The following PCDHA8 variants were observed in gnomAD, a reference collection of about 807,000 sequenced individuals.
PCDHA8 encodes the protein protocadherin alpha 8, also known as protocadherin alpha-8.
A neutral mutation model predicts 61.8 loss-of-function variants in PCDHA8; 53 were observed. The observed-to-expected ratio is 0.86, with a 90% CI of 0.69 to 1.08. The LOEUF (loss-of-function observed/expected upper bound fraction) is 1.08. PCDHA8 is among the 50% of genes least tolerant of loss of function. The probability of loss-of-function intolerance (pLI) is 0.00; values close to 1 mark genes in which losing one functional copy is unlikely to be tolerated. For synonymous variants in PCDHA8, 618 were observed against 556.6 expected (o/e 1.11, Z -1.55); for missense variants, 1,293 against 1,245.0 (o/e 1.04, Z -0.58).
At chr5:140,970,920 G>A (rs957123423) in intron 1 of PCDHA8, among the ~76,000 whole-genome samples, 2 of 152,266 alleles carry the variant, frequency 1.3e-5, no homozygotes, top group Non-Finnish European at 2.9e-5. Flanking sequence ...TTTATCAGAA[G>A]TGCCTGGTGT....
intron 1 of PCDHA8, among the ~76,000 whole-genome samples, chr5:140,900,275 C>T (rs1260418745): frequency 9.2e-5 from 14 of 151,438 alleles, no homozygotes; most frequent in African/African-American, 2.9e-4. Context: ...GTATATGTAC[C>T]ACACTTTCTT....
At chr5:140,987,211 C>A (rs1190567678) in intron 3 of PCDHA8, among the ~76,000 whole-genome samples, 1 of 145,070 alleles carries the variant, frequency 6.9e-6, no homozygotes, top group South Asian at 2.1e-4. Flanking sequence ...GAGACTCCAT[C>A]TCAAAAAAAA....
intron 1 of PCDHA8, among the ~76,000 whole-genome samples, chr5:140,889,031 A>C (rs1234867332): frequency 6.6e-6 from 1 of 152,012 alleles, no homozygotes; most frequent in African/African-American, 2.4e-5. Flanking sequence ...GGATAACCGT[A>C]ATTTGATTAT....
Position 140,842,784 on chromosome 5 carries a change from C to A in PCDHA8, c.1463C>A (p.Ala488Glu), listed in dbSNP as rs1285950480. The A allele has an allele frequency of 2.5e-6, 4 of 1,594,370 alleles. No homozygotes were observed. The highest frequency in any genetic ancestry group is 3.4e-6 in the Non-Finnish European group (4 of 1,165,434). Residue 488 changes from alanine to glutamate, a missense_variant, in exon 1 of 4, where the codon GCG (alanine) becomes GAG (glutamate). By Grantham distance (107) the Ala-to-Glu change is moderately radical. Transcript: ENST00000531613. ...CGAGACGCGGACGCGCAGGAGAACGCGCTGGTGTCCTACTCGCTTGTGGAG... is the reference window on the plus strand; with the variant it reads ...CGAGACGCGGACGCGCAGGAGAACGAGCTGGTGTCCTACTCGCTTGTGGAG... ...SARDADAQENALVSYSLVERR... is the reference protein window; with the variant it reads ...SARDADAQENELVSYSLVERR...
At chr5:140,883,316 G>A in intron 1 of PCDHA8, 1 of 1,614,078 alleles carries the variant, frequency 6.2e-7, no homozygotes, top group East Asian at 2.2e-5. Context: ...CGCCCCAGAG[G>A]TTACCATCAC....
At chr5:140,899,980 T>TG (rs1202261789) in intron 1 of PCDHA8, among the ~76,000 whole-genome samples, 49 of 152,074 alleles carry the variant, frequency 3.2e-4, no homozygotes, top group African/African-American at 1.1e-3. Flanking sequence ...GCTACTTTTT[T>TG]GATTTTTTTT....
At chr5:140,867,409 T>C (rs1299874634) in intron 1 of PCDHA8, 1 of 152,170 alleles carries the variant, frequency 6.6e-6, no homozygotes, top group Admixed American at 6.5e-5. Context: ...ATGTCTCCTT[T>C]AATTTTTTAA....
chr5:140,971,203 T>A (rs1586466173), intron 1 of PCDHA8, among the ~76,000 whole-genome samples: 2 of 152,308 alleles, frequency 1.3e-5, no homozygotes, highest in Middle Eastern at 6.8e-3. Context: ...GGAAAGACAC[T>A]GTTACCCTCC....
intron 3 of PCDHA8, among the ~76,000 whole-genome samples, chr5:140,999,140 G>A (rs1473682487): frequency 6.6e-6 from 1 of 152,164 alleles, no homozygotes; most frequent in African/African-American, 2.4e-5. Context: ...TGTCACAGCC[G>A]GAAGTCTTCA....
chr5:140,896,283 T>TG (rs1440417603), intron 1 of PCDHA8, among the ~76,000 whole-genome samples: 4 of 152,258 alleles, frequency 2.6e-5, no homozygotes, highest in Admixed American at 6.5e-5. Context: ...CTGGCTTGAA[T>TG]GGTAAGTTCT....
chr5:140,855,049 C>G (rs188702829), intron 1 of PCDHA8, among the ~76,000 whole-genome samples: 3 of 149,820 alleles, frequency 2.0e-5, no homozygotes, highest in South Asian at 2.1e-4. Context: ...TGTAATAGTA[C>G]TTTTCTGTTT....
At chr5:140,904,193 T>C (rs1554191351) in intron 1 of PCDHA8, among the ~76,000 whole-genome samples, 2 of 151,930 alleles carry the variant, frequency 1.3e-5, no homozygotes, top group Non-Finnish European at 2.9e-5. Flanking sequence ...TTCCCACCCT[T>C]TCCCCCTAAG....
chr5:140,976,171 A>T (rs1356953697), intron 1 of PCDHA8, among the ~76,000 whole-genome samples: 1 of 152,218 alleles, frequency 6.6e-6, no homozygotes, highest in African/African-American at 2.4e-5. Flanking sequence ...TTAGTTTTGT[A>T]TTGTTTTAAA....
chr5:140,904,150 C>T (rs1005130566), intron 1 of PCDHA8, among the ~76,000 whole-genome samples: 1 of 152,036 alleles, frequency 6.6e-6, no homozygotes, highest in Non-Finnish European at 1.5e-5. Context: ...GTATACATTG[C>T]ACCCAGTTTG....
chr5:140,942,429 A>C (rs543442477), intron 1 of PCDHA8, among the ~76,000 whole-genome samples: 1 of 152,226 alleles, frequency 6.6e-6, no homozygotes, highest in Admixed American at 6.5e-5. Context: ...AAAGATATCT[A>C]ACAATAAACA....
Position 140,842,604 on chromosome 5 carries a change from G to C in PCDHA8, c.1283G>C (p.Arg428Pro). The change falls in exon 1 of 4, where the codon CGG (arginine) becomes CCG (proline). Residue 428 changes from arginine (R) to proline (P), a missense_variant. Transcript: ENST00000531613. Reference protein sequence around the residue: ...VSAYELVVTARDGGSPSLWAT... With the variant: ...VSAYELVVTAPDGGSPSLWAT... ...GCCTATGAGTTGGTGGTAACCGCGCGGGACGGGGGCTCGCCTTCGCTGTGG... is the reference window on the plus strand; with the variant it reads ...GCCTATGAGTTGGTGGTAACCGCGCCGGACGGGGGCTCGCCTTCGCTGTGG... 4 of 1,550,196 alleles carry C rather than the reference G, an allele frequency of 2.6e-6. No homozygotes were observed. The highest frequency in any genetic ancestry group is 3.5e-6 in the Non-Finnish European group (4 of 1,136,970).
At chr5:140,852,191 G>A in intron 1 of PCDHA8, 1 of 725,566 alleles carries the variant, frequency 1.4e-6, no homozygotes, top group Non-Finnish European at 1.7e-6. Context: ...GAAAATGCCA[G>A]TAACGTTTAT....
At chr5:140,851,695 G>T in intron 1 of PCDHA8, 1 of 939,814 alleles carries the variant, frequency 1.1e-6, no homozygotes, top group Non-Finnish European at 1.3e-6. Flanking sequence ...GTGATAAAAT[G>T]ATCAGCCATG....
intron 1 of PCDHA8, among the ~76,000 whole-genome samples, chr5:140,920,226 T>C (rs190564528): frequency 6.6e-6 from 1 of 152,042 alleles, no homozygotes; most frequent in East Asian, 1.9e-4. Context: ...ACATTTATAG[T>C]ATTATATACC....
Sources: gnomAD v4.1 joint callset for allele counts (sites outside exome capture counted in the v4.1 genomes callset) on GRCh38, gnomAD v4.1.1 for gene constraint, MANE v1.5 for transcripts, NCBI Gene and HGNC (gene_info 2026-07-23, HGNC 2026-07-21) for gene names.